Variants in FAM149A observed in about 807,000 individuals in gnomAD.
FAM149A encodes protein FAM149A.
FAM149A carries 71 observed loss-of-function variants against 78.2 expected under a neutral mutation model. The observed-to-expected ratio is 0.91, with a 90% CI of 0.75 to 1.11. FAM149A has a LOEUF of 1.11. Ranked by LOEUF, FAM149A falls within the 50% of genes least tolerant of loss-of-function variation. FAM149A has a pLI of 0.00. For synonymous variants in FAM149A, 446 were observed against 410.5 expected, an observed-to-expected ratio of 1.09 and a Z score of -1.04; for missense variants, 1,036 against 971.0, an observed-to-expected ratio of 1.07 and a Z score of -0.89.
intron 8 of FAM149A, among the ~76,000 whole-genome samples, chr4:186,162,334 A>G (rs1410748851): frequency 2.6e-5 from 4 of 152,184 alleles, no homozygotes; most frequent in Non-Finnish European, 4.4e-5. Context: ...GGTCCCAGGC[A>G]AGCAGGACAA....
rs1012584604 is a variant in FAM149A, at chr4:186,118,358, G to A, written c.566+12716G>A. On this transcript the variant is annotated intron_variant, in intron 1 of 13. Coordinates refer to ENST00000389354, the MANE Select transcript of FAM149A (RefSeq NM_001367768.3). The stretch of plus-strand genomic sequence containing the variant: ...AGGTAGCTACTTGTTCCCTGTCCAT[G>A]AAGCGGTAAGTGCAGAAAGGGAGAA... The A allele has an allele frequency of 1.2e-5, 5 of 412,546 alleles. No individual in the cohort carries two copies. The Admixed American group carries it at 1.9e-4, about 16-fold the overall frequency. The allele number at this position is 412,546 out of a possible 1,614,324, so 25.6% of individuals were successfully genotyped here.
chr4:186,132,218 G>C (rs1374133247), intron 1 of FAM149A: 2 of 985,240 alleles, frequency 2.0e-6, no homozygotes, highest in Non-Finnish European at 2.4e-6. Context: ...TATCTGAAAA[G>C]TAAGCCATCA....
intron 1 of FAM149A, chr4:186,108,993 GCC>G: frequency 6.5e-6 from 1 of 153,082 alleles, no homozygotes; most frequent in East Asian, 1.9e-4. Flanking sequence ...GACTGCAGGT[GCC>G]TGCCACCACG....
In FAM149A at chr4:186,167,196, C is replaced by G. The variant is rs577429380; in HGVS notation, c.2152C>G (p.Arg718Gly). The change falls in exon 13 of 14, where the codon CGA (arginine) becomes GGA (glycine). Residue 718 changes from arginine (R) to glycine (G), a missense_variant. Physicochemically the swap from Arg to Gly is moderately radical, Grantham distance 125. Transcript: ENST00000389354. ...TTTCTTCCAGCAGTCGGATACGCCTCGAAAAAGTTCATTGACACAAATGGA... is the reference window on the plus strand; with the variant it reads ...TTTCTTCCAGCAGTCGGATACGCCTGGAAAAAGTTCATTGACACAAATGGA... 19 of 1,610,002 alleles carry G rather than the reference C, an allele frequency of 1.2e-5. No individual in the cohort carries two copies. The African/African-American group carries it at 2.5e-4, about 21-fold the overall frequency.
chr4:186,117,622 C>T, intron 1 of FAM149A: 1 of 985,412 alleles, frequency 1.0e-6, no homozygotes, highest in Non-Finnish European at 1.2e-6. Context: ...TGGCGTGAGG[C>T]TTTCCATTTG....
chr4:186,109,139 G>T (rs991731668), intron 1 of FAM149A: 2 of 985,058 alleles, frequency 2.0e-6, no homozygotes, highest in Non-Finnish European at 2.4e-6. Flanking sequence ...GAGCCACCGC[G>T]CCCGGCCGGT....
chr4:186,149,132 A>T (rs1291550340), intron 1 of FAM149A, 41 bp from the exon 2 acceptor site: 1 of 1,245,158 alleles, frequency 8.0e-7, no homozygotes, highest in Non-Finnish European at 1.0e-6. Context: ...AAACTATATT[A>T]TTACATTAGG....
intron 1 of FAM149A, among the ~76,000 whole-genome samples, chr4:186,119,063 G>A (rs1415022537): frequency 6.6e-6 from 1 of 152,096 alleles, no homozygotes; most frequent in Non-Finnish European, 1.5e-5. Context: ...TATCCTTCAC[G>A]TACAGGGGAC....
chr4:186,152,099 CT>C, intron 4 of FAM149A, 54 bp downstream of exon 4: 2 of 1,569,558 alleles, frequency 1.3e-6, no homozygotes, highest in Non-Finnish European at 1.8e-6. Context: ...GCACCCACCC[CT>C]GACCTGCCTC....
At chr4:186,106,162 A>G (rs2099308674) in intron 1 of FAM149A, among the ~76,000 whole-genome samples, 1 of 152,104 alleles carries the variant, frequency 6.6e-6, no homozygotes, top group Non-Finnish European at 1.5e-5. Flanking sequence ...ACATCATCTG[A>G]CACAAATGGA....
intron 5 of FAM149A, among the ~76,000 whole-genome samples, chr4:186,154,075 C>T (rs888254293): frequency 6.6e-5 from 10 of 152,266 alleles, no homozygotes; most frequent in South Asian, 2.1e-4. Flanking sequence ...GGATGGAAAC[C>T]GCCTCACTGT....
At chr4:186,135,662 A>T (rs2099322389) in intron 1 of FAM149A, among the ~76,000 whole-genome samples, 3 of 152,210 alleles carry the variant, frequency 2.0e-5, no homozygotes, top group Admixed American at 2.0e-4. Context: ...GCTGATCAAC[A>T]TACGTATTTC....
chr4:186,111,487 T>G (rs2099311266), intron 1 of FAM149A, among the ~76,000 whole-genome samples: 1 of 152,166 alleles, frequency 6.6e-6, no homozygotes, highest in African/African-American at 2.4e-5. Context: ...ATGTCCTGAA[T>G]GGTAATACCT....
intron 9 of FAM149A, 118 bp downstream of exon 9, chr4:186,163,066 A>G (rs1200219474): frequency 1.5e-6 from 1 of 687,394 alleles, no homozygotes; most frequent in East Asian, 2.6e-5. Context: ...CGTGCTTCAG[A>G]TGTGCCTGAG....
intron 5 of FAM149A, among the ~76,000 whole-genome samples, chr4:186,154,201 G>A (rs1033158678): frequency 1.3e-5 from 2 of 152,262 alleles, no homozygotes; most frequent in Middle Eastern, 3.4e-3. Context: ...TTGGTGTGCC[G>A]TGACACAATG....
At chr4:186,123,645 G>A in intron 1 of FAM149A, 1 of 220,824 alleles carries the variant, frequency 4.5e-6, no homozygotes, top group Non-Finnish European at 7.6e-6. Context: ...TCTGGGAAGT[G>A]GGGTCCAGGA....
Position 186,105,267 on chromosome 4 carries a change from C to A in FAM149A, c.191C>A (p.Ser64Tyr). 2 of 1,202,928 alleles carry A rather than the reference C, an allele frequency of 1.7e-6. No homozygotes were observed. Among genetic ancestry groups the A allele is most frequent in the Non-Finnish European group, 2.1e-6 (2 of 953,814 alleles). The allele number at this position is 1,202,928 out of a possible 1,614,324, so 74.5% of individuals were successfully genotyped here. The change falls in exon 1 of 14, where the codon TCC (serine) becomes TAC (tyrosine). Residue 64 changes from serine (S) to tyrosine (Y), a missense_variant. This residue lies in a region of FAM149A where 316 missense variants were observed against 241.9 expected (regional missense o/e 1.31). Transcript: ENST00000389354. The stretch of plus-strand genomic sequence containing the variant: ...CGCGCCCTGGCTCCGGACTCCCCCT[C>A]CGCCTCGCGGCGGTCGCCCGCCCCG...
intron 1 of FAM149A, among the ~76,000 whole-genome samples, chr4:186,147,930 T>TA (rs567142804): frequency 9.1e-4 from 139 of 152,244 alleles, no homozygotes; most frequent in African/African-American, 3.0e-3. Flanking sequence ...ACAAAGAGAA[T>TA]AAAAACAATC....
chr4:186,124,419 C>A (rs1263021745), intron 1 of FAM149A, among the ~76,000 whole-genome samples: 1 of 151,546 alleles, frequency 6.6e-6, no homozygotes, highest in African/African-American at 2.4e-5. Context: ...CCGCTCCCCC[C>A]CACCCCACAA....
Sources: allele counts gnomAD v4.1 joint callset (sites outside exome capture counted in the v4.1 genomes callset), GRCh38; gene constraint gnomAD v4.1.1; regional missense constraint gnomAD v4.1.1; transcripts MANE v1.5; gene names NCBI Gene and HGNC (gene_info 2026-07-23, HGNC 2026-07-21).